Variants in PEDS1 observed in about 807,000 individuals in gnomAD.
PEDS1 encodes CarF homolog.
PEDS1 carries 14 observed loss-of-function variants against 35.2 expected under a neutral mutation model. The observed-to-expected ratio is 0.40, with a 90% CI of 0.26 to 0.62. The LOEUF is 0.62. Ranked by LOEUF, PEDS1 falls within the 20% of genes least tolerant of loss-of-function variation. PEDS1 has a pLI of 0.44. For missense variants in PEDS1, 260 were observed against 367.8 expected (o/e 0.71, Z 2.40); for synonymous variants, 152 against 152.0 (o/e 1.00, Z 0.00).
intron 2 of PEDS1, among the ~76,000 whole-genome samples, chr20:50,142,446 C>T (rs960258540): frequency 6.6e-6 from 1 of 152,154 alleles, no homozygotes; most frequent in African/African-American, 2.4e-5. Context: ...TGTGACAGGC[C>T]TGCTATTTTG....
intron 2 of PEDS1, among the ~76,000 whole-genome samples, chr20:50,136,743 A>G: frequency 7.1e-6 from 1 of 141,130 alleles, no homozygotes; most frequent in East Asian, 2.2e-4. Context: ...AAAAAAAAAA[A>G]GAGGGGAGGA....
chr20:50,134,959 G>A (rs188156164), intron 2 of PEDS1, among the ~76,000 whole-genome samples: 6 of 152,104 alleles, frequency 3.9e-5, no homozygotes, highest in African/African-American at 1.4e-4. Context: ...GAGGCAGGCG[G>A]ACCACTGGAG....
chr20:50,135,658 C>CAAAA (rs34069451), intron 2 of PEDS1, among the ~76,000 whole-genome samples: 644 of 37,712 alleles, frequency 0.017, 42 homozygotes, highest in African/African-American at 0.038. Flanking sequence ...AACTCCATCT[C>CAAAA]AAAAAAAAAA....
At chr20:50,134,502 T>G (rs1374944849) in intron 2 of PEDS1, among the ~76,000 whole-genome samples, 1 of 152,074 alleles carries the variant, frequency 6.6e-6, no homozygotes, top group Non-Finnish European at 1.5e-5. Flanking sequence ...AGCCGAGATT[T>G]CGCCATTGCA....
At chr20:50,130,055 C>G (rs1174177494) in intron 3 of PEDS1, among the ~76,000 whole-genome samples, 2 of 152,174 alleles carry the variant, frequency 1.3e-5, no homozygotes, top group Admixed American at 1.3e-4. Context: ...CCTGCACCTG[C>G]TGGGGTAACA....
rs919928537 is a variant in PEDS1 at position 50,148,106 on chromosome 20, A to T, written c.122-4485T>A. 2.6e-5 allele frequency among the ~76,000 whole-genome samples: 4 copies of T among 152,210 alleles called. No homozygotes were observed. The South Asian group carries it at 6.2e-4, about 24-fold the overall frequency. ...CTCCGTCTCCAGGGGGAGAAAACAT[A>T]CACAACTTAAGTAGCTTTCACTGAG... On this transcript the variant is annotated intron_variant, in intron 1 of 5. Coordinates refer to ENST00000371652, the MANE Select transcript of PEDS1 (RefSeq NM_199129.4).
intron 1 of PEDS1, among the ~76,000 whole-genome samples, chr20:50,149,834 C>T (rs1251821927): frequency 6.6e-6 from 1 of 152,166 alleles, no homozygotes; most frequent in Non-Finnish European, 1.5e-5. Flanking sequence ...AACACAGAAC[C>T]TAGCGCACCC....
chr20:50,151,121 C>G (rs2081398276), intron 1 of PEDS1: 1 of 678,480 alleles, frequency 1.5e-6, no homozygotes, highest in African/African-American at 1.9e-5. Flanking sequence ...AGGTCAAATA[C>G]TTCCCCAAGA....
At position 50,123,233 on chromosome 20, in the gene PEDS1, G is replaced by T. The variant is rs1260317579; in HGVS notation, c.*1825C>A. The T allele has an allele frequency of 6.6e-6, 1 of 151,062 alleles. No individual in the cohort carries two copies. The highest frequency in any genetic ancestry group is 1.9e-4 in the East Asian group (1 of 5,168). 9.4% of individuals were successfully genotyped at this position (151,062 alleles called of 1,614,324 possible). On this transcript the variant is annotated 3_prime_UTR_variant, in exon 6 of 6. Transcript: ENST00000371652. The stretch of plus-strand genomic sequence containing the variant: ...AGCTCACTCTAGTCCAGCCACAGTG[G>T]CTGCCTCACCATCTCTTAAAATCCC...
At chr20:50,126,453 T>A (rs2147267913) in intron 5 of PEDS1, among the ~76,000 whole-genome samples, 1 of 152,304 alleles carries the variant, frequency 6.6e-6, no homozygotes, top group African/African-American at 2.4e-5. Flanking sequence ...TGAAAAAGAA[T>A]GTTTTTTTGT....
At chr20:50,151,461 C>A in intron 1 of PEDS1, 2 of 473,808 alleles carry the variant, frequency 4.2e-6, no homozygotes, top group Non-Finnish European at 8.3e-6. Flanking sequence ...GAGCTGGACA[C>A]TAAAGAGGGA....
intron 2 of PEDS1, among the ~76,000 whole-genome samples, chr20:50,134,765 A>C (rs1220331462): frequency 6.6e-6 from 1 of 152,234 alleles, no homozygotes; most frequent in Admixed American, 6.5e-5. Context: ...CAAACAGTAA[A>C]GGCCATAGGC....
chr20:50,125,296 T>C lies in PEDS1; in HGVS notation c.692-117A>G, dbSNP rs1458164978. ...CAATGAGGAGTGAGTCAGTACAGGA[T>C]AGGACACAGGGACCGGCCAAGGAAC... On this transcript the variant is annotated intron_variant, in intron 5 of 5. Coordinates refer to ENST00000371652, the MANE Select transcript of PEDS1 (RefSeq NM_199129.4). 3 of 1,374,836 alleles carry C rather than the reference T, an allele frequency of 2.2e-6. No homozygotes were observed. In the African/African-American group the frequency reaches 4.3e-5, roughly 20 times the overall value. The allele number at this position is 1,374,836 out of a possible 1,614,324, so 85.2% of individuals were successfully genotyped here. A position where few individuals can be genotyped will look rare whatever the true frequency, so the allele number is the denominator to read the frequency against.
chr20:50,149,385 G>A (rs1321532235), intron 1 of PEDS1, among the ~76,000 whole-genome samples: 1 of 152,120 alleles, frequency 6.6e-6, no homozygotes, highest in African/African-American at 2.4e-5. Flanking sequence ...ATGAAGCCTG[G>A]GGCACCTGAG....
In PEDS1 at chr20:50,119,615, A is replaced by G. The variant is rs1386170527; in HGVS notation, c.*5443T>C. On this transcript the variant is annotated 3_prime_UTR_variant, in exon 6 of 6. Coordinates refer to ENST00000371652, the MANE Select transcript of PEDS1 (RefSeq NM_199129.4). Reference sequence around the variant, plus strand: ...ATATCCTACATATTGTGTGAAAAGGAGTGGGGCAGACATACCCCTCTGCCT... The same window carrying G: ...ATATCCTACATATTGTGTGAAAAGGGGTGGGGCAGACATACCCCTCTGCCT... The G allele has an allele frequency of 6.6e-6, 1 of 152,152 alleles. No individual in the cohort carries two copies. The highest frequency in any genetic ancestry group is 1.5e-5 in the Non-Finnish European group (1 of 68,044). The allele number at this position is 152,152 out of a possible 1,614,324, so 9.4% of individuals were successfully genotyped here.
At chr20:50,147,837 G>A (rs1001358010) in intron 1 of PEDS1, among the ~76,000 whole-genome samples, 4 of 152,014 alleles carry the variant, frequency 2.6e-5, no homozygotes, top group Non-Finnish European at 5.9e-5. Context: ...GGCAGATCAC[G>A]AGGTCAAGAG....
At chr20:50,143,017 G>A (rs2081310057) in intron 2 of PEDS1, among the ~76,000 whole-genome samples, 1 of 152,098 alleles carries the variant, frequency 6.6e-6, no homozygotes, top group Non-Finnish European at 1.5e-5. Context: ...CTATTCAGCT[G>A]CAGATGTATG....
intron 5 of PEDS1, among the ~76,000 whole-genome samples, chr20:50,127,600 C>A (rs995143726): frequency 6.6e-6 from 1 of 152,196 alleles, no homozygotes; most frequent in African/African-American, 2.4e-5. Context: ...CCCGCCTTGG[C>A]CTCCCAAAGT....
intron 1 of PEDS1, among the ~76,000 whole-genome samples, chr20:50,150,477 CCA>C (rs2147309885): frequency 6.6e-6 from 1 of 152,234 alleles, no homozygotes; most frequent in East Asian, 1.9e-4. Flanking sequence ...CTCCCTCCCT[CCA>C]GTCCTTCCTC....
Sources: allele counts gnomAD v4.1 joint callset (sites outside exome capture counted in the v4.1 genomes callset), GRCh38; gene constraint gnomAD v4.1.1; transcripts MANE v1.5; gene names NCBI Gene and HGNC (gene_info 2026-07-23, HGNC 2026-07-21).